TUT7: variants seen among roughly 807,000 people sequenced by gnomAD.
TUT7 encodes terminal uridylyl transferase 7, also known as terminal uridylyltransferase 7.
In TUT7, 33 loss-of-function variants were observed where a neutral mutation model predicts 165.9. The ratio of observed to expected loss-of-function variants is 0.20; its 90% CI spans 0.15 to 0.27. The LOEUF (loss-of-function observed/expected upper bound fraction) is 0.27. Ranked by LOEUF, TUT7 falls within the 10% of genes least tolerant of loss-of-function variation. TUT7 has a pLI of 1.00. For missense variants in TUT7, 1,338 were observed against 1,762.3 expected (o/e 0.76, Z 4.31); for synonymous variants, 552 against 608.1 (o/e 0.91, Z 1.36).
At chr9:86,352,255 G>GT (rs879725028) in intron 2 of TUT7, among the ~76,000 whole-genome samples, 42 of 149,700 alleles carry the variant, frequency 2.8e-4, no homozygotes, top group South Asian at 1.5e-3. Context: ...CAACAAATAA[G>GT]TTTTTTTTTT....
Position 86,303,894 on chromosome 9 carries a change from TCAGATGTA to T in TUT7, c.3979-701_3979-694del, listed in dbSNP as rs1293069145. The stretch of plus-strand genomic sequence containing the variant: ...AAGCCACATCAATATCTACCATAAA[TCAGATGTA>T]CAGATGTAATCAAACACTGAATGTG... On this transcript the variant is annotated intron_variant, in intron 24 of 26. Transcript: ENST00000375963. 5.3e-5 allele frequency among the ~76,000 whole-genome samples: 8 copies of T among 152,164 alleles called. No homozygotes were observed. In the East Asian group the frequency reaches 1.5e-3, roughly 29 times the overall value.
chr9:86,342,317 C>A (rs1192037577), intron 6 of TUT7, among the ~76,000 whole-genome samples: 1 of 152,074 alleles, frequency 6.6e-6, no homozygotes, highest in African/African-American at 2.4e-5. Context: ...AACAAGCAAC[C>A]CAAGTAACTG....
chr9:86,325,563 A>G, intron 11 of TUT7, 49 bp from the exon 12 acceptor site: 1 of 1,506,630 alleles, frequency 6.6e-7, no homozygotes. Flanking sequence ...TGTAAGTACA[A>G]TCTGGAAAAT....
intron 19 of TUT7, 116 bp from the exon 20 acceptor site, chr9:86,309,692 T>C (rs998499552): frequency 2.2e-5 from 22 of 1,006,504 alleles, no homozygotes; most frequent in East Asian, 1.5e-4. Context: ...AAAAATCACA[T>C]TGTCAAAGGC....
At position 86,337,522 on chromosome 9, in the gene TUT7, C is replaced by T. The variant is rs778107333; in HGVS notation, c.1352G>A (p.Arg451His). Residue 451 changes from arginine (R) to histidine (H), a missense_variant, in exon 10 of 27, where the codon CGC (arginine) becomes CAC (histidine). Arg to His is a conservative substitution (Grantham distance 29, BLOSUM62 0). Coordinates refer to ENST00000375963, the MANE Select transcript of TUT7 (RefSeq NM_024617.4). ...RYWAKLCSIDRPEEGGLPPYV... is the reference protein window; with the variant it reads ...RYWAKLCSIDHPEEGGLPPYV... ...AGGTGGCAGACCTCCTTCTTCAGGGCGATCTATACTGCAAAGCTACAAACA... is the reference window on the plus strand; with the variant it reads ...AGGTGGCAGACCTCCTTCTTCAGGGTGATCTATACTGCAAAGCTACAAACA... 108 of 1,610,214 alleles carry T rather than the reference C, an allele frequency of 6.7e-5. No individual in the cohort carries two copies. The highest frequency in any genetic ancestry group is 8.9e-5 in the Non-Finnish European group (105 of 1,179,016).
chr9:86,326,682 A>T (rs1181650797), intron 11 of TUT7, among the ~76,000 whole-genome samples: 2 of 152,182 alleles, frequency 1.3e-5, no homozygotes, highest in African/African-American at 2.4e-5. Context: ...CCTGTATATT[A>T]CAAGAGAAGG....
At chr9:86,325,313 A>G in intron 12 of TUT7, 21 bp downstream of exon 12, 1 of 1,608,948 alleles carries the variant, frequency 6.2e-7, no homozygotes, top group South Asian at 1.1e-5. Flanking sequence ...GGGGGGGAAT[A>G]AGATAAACAT....
In TUT7 at chr9:86,303,149, T is replaced by C. The variant is rs1381727257; in HGVS notation, c.4031A>G (p.Asp1344Gly). ...TTTTCCACAAATTCGACAACATCTATCATTTGGGGCCAGCTCTCCTTCAGT... is the reference window on the plus strand; with the variant it reads ...TTTTCCACAAATTCGACAACATCTACCATTTGGGGCCAGCTCTCCTTCAGT... ...VLTEGELAPN[D>G]RCCRICGKIG... is the part of the protein sequence containing the mutation. Residue 1344 changes from aspartate (D) to glycine (G), a missense_variant, in exon 25 of 27, where the codon GAT (aspartate) becomes GGT (glycine). By Grantham distance (94) the Asp-to-Gly change is moderately conservative. Around this residue, in one of 7 missense-constraint regions of TUT7, gnomAD observed 167 missense variants for 204.9 expected, o/e 0.82. Transcript: ENST00000375963. 1 of 1,611,450 alleles carries C rather than the reference T, an allele frequency of 6.2e-7. No homozygotes were observed. The highest frequency in any genetic ancestry group is 8.5e-7 in the Non-Finnish European group (1 of 1,178,716).
At chr9:86,337,369 A>G (rs902742198) in intron 10 of TUT7, 50 bp downstream of exon 10, 3 of 1,564,316 alleles carry the variant, frequency 1.9e-6, no homozygotes, top group Admixed American at 4.1e-5. Context: ...TTAATTGTGG[A>G]CCTGTAATAA....
Position 86,325,364 on chromosome 9 carries a change from C to T in TUT7, c.1759G>A (p.Asp587Asn). 1 of 1,613,720 alleles carries T rather than the reference C, an allele frequency of 6.2e-7. No homozygotes were observed. Among genetic ancestry groups the T allele is most frequent in the Non-Finnish European group, 8.5e-7 (1 of 1,179,856 alleles). ...ATGGCAATGCGCTTTTTGGGCCAAT[C>T]CTTCAATTCCCGAGATACCAATTCT... Reference protein sequence around the residue: ...VKELVSRELKDWPKKRIAIED... With the variant: ...VKELVSRELKNWPKKRIAIED... Residue 587 changes from aspartate (D) to asparagine (N), a missense_variant, in exon 12 of 27, where the codon GAT becomes AAT. Physicochemically the swap from Asp to Asn is conservative, Grantham distance 23. Around this residue, in one of 7 missense-constraint regions of TUT7, gnomAD observed 28 missense variants for 69.4 expected, o/e 0.40. Coordinates refer to ENST00000375963, the MANE Select transcript of TUT7 (RefSeq NM_024617.4).
intron 26 of TUT7, among the ~76,000 whole-genome samples, chr9:86,297,291 TCTAAGTA>T (rs1031105620): frequency 7.9e-5 from 12 of 152,204 alleles, no homozygotes; most frequent in Non-Finnish European, 1.5e-4. Flanking sequence ...CAGGCGCTGT[TCTAAGTA>T]CTTTTACATG....
intron 20 of TUT7, 46 bp downstream of exon 20, chr9:86,309,416 AG>A: frequency 6.5e-7 from 1 of 1,534,256 alleles, no homozygotes; most frequent in South Asian, 1.2e-5. Flanking sequence ...AAAGGCTCAG[AG>A]ATCACCAGTT....
chr9:86,294,687 T>A (rs1826161580), intron 26 of TUT7, among the ~76,000 whole-genome samples: 1 of 151,584 alleles, frequency 6.6e-6, no homozygotes. Flanking sequence ...TCATCTTTCT[T>A]ATTAAAGTCG....
intron 12 of TUT7, among the ~76,000 whole-genome samples, chr9:86,325,121 G>A (rs996249563): frequency 6.6e-6 from 1 of 152,200 alleles, no homozygotes; most frequent in Non-Finnish European, 1.5e-5. Flanking sequence ...CATTATTCAA[G>A]TTGTTTATAC....
intron 17 of TUT7, among the ~76,000 whole-genome samples, chr9:86,314,185 T>C (rs1033429187): frequency 2.0e-5 from 3 of 152,158 alleles, no homozygotes; most frequent in African/African-American, 7.2e-5. Flanking sequence ...CACCTAGTAC[T>C]TTGCTATCTC....
chr9:86,314,947 G>A (rs1292494365), intron 17 of TUT7, among the ~76,000 whole-genome samples: 1 of 152,042 alleles, frequency 6.6e-6, no homozygotes, highest in African/African-American at 2.4e-5. Context: ...ACCATCATCT[G>A]AGATCATAGC....
At chr9:86,345,182 A>G in intron 4 of TUT7, 28 bp from the exon 5 acceptor site, 1 of 1,589,398 alleles carries the variant, frequency 6.3e-7, no homozygotes, top group Non-Finnish European at 8.6e-7. Flanking sequence ...TGAGATTAAA[A>G]ATGACTTACA....
At chr9:86,318,690 A>G (rs1379891585) in intron 16 of TUT7, among the ~76,000 whole-genome samples, 1 of 152,204 alleles carries the variant, frequency 6.6e-6, no homozygotes, top group Non-Finnish European at 1.5e-5. Flanking sequence ...CCAATGGGAC[A>G]CTGAAGAGGC....
chr9:86,300,762 A>G (rs1163419826), intron 26 of TUT7, among the ~76,000 whole-genome samples: 1 of 152,256 alleles, frequency 6.6e-6, no homozygotes, highest in African/African-American at 2.4e-5. Flanking sequence ...GACAAAATCT[A>G]CAGAAAAAAA....
Sources: allele counts gnomAD v4.1 joint callset (sites outside exome capture counted in the v4.1 genomes callset), GRCh38; gene constraint gnomAD v4.1.1; regional missense constraint gnomAD v4.1.1; transcripts MANE v1.5; gene names NCBI Gene and HGNC (gene_info 2026-07-23, HGNC 2026-07-21).